BABAM2: variants seen among roughly 807,000 people sequenced by gnomAD.
The protein encoded by BABAM2 is BRISC and BRCA1-A complex member 2.
In BABAM2, 31 loss-of-function variants were observed where a neutral mutation model predicts 54.7. The ratio of observed to expected loss-of-function variants is 0.57; its 90% confidence interval spans 0.43 to 0.77. The LOEUF (loss-of-function observed/expected upper bound fraction) is 0.77. Among genes scored for constraint, BABAM2 ranks in the 30% least tolerant of loss-of-function variants. BABAM2 has a pLI of 0.00. For missense variants in BABAM2, 364 were observed against 455.8 expected, an observed-to-expected ratio of 0.80 and a Z score of 1.83; for synonymous variants, 167 against 162.9, an observed-to-expected ratio of 1.03 and a Z score of -0.19.
At chr2:28,236,645 C>T (rs758430637) in intron 7 of BABAM2, among the ~76,000 whole-genome samples, 9 of 152,056 alleles carry the variant, frequency 5.9e-5, no homozygotes, top group Admixed American at 5.9e-4. Context: ...GGATTACAGG[C>T]GTGAGCCACC....
intron 3 of BABAM2, among the ~76,000 whole-genome samples, chr2:27,961,166 T>C (rs1002701215): frequency 2.6e-5 from 4 of 152,174 alleles, no homozygotes; most frequent in African/African-American, 9.7e-5. Flanking sequence ...TTAATCAGGC[T>C]TATGTGAGAC....
chr2:28,110,164 C>T (rs1486903571), intron 6 of BABAM2, among the ~76,000 whole-genome samples: 3 of 152,048 alleles, frequency 2.0e-5, no homozygotes. Flanking sequence ...AGTATAATGT[C>T]CTCGAGGTTC....
intron 7 of BABAM2, among the ~76,000 whole-genome samples, chr2:28,187,551 A>G (rs1286599037): frequency 6.6e-6 from 1 of 152,078 alleles, no homozygotes; most frequent in Non-Finnish European, 1.5e-5. Context: ...TTATATATCT[A>G]TCTGAAATCT....
chr2:27,909,551 A>G (rs2148299941), intron 2 of BABAM2, among the ~76,000 whole-genome samples: 1 of 152,282 alleles, frequency 6.6e-6, no homozygotes, highest in South Asian at 2.1e-4. Flanking sequence ...TTAATGCGCA[A>G]AAGTTTCACT....
chr2:28,020,942 C>G (rs1326853711), intron 4 of BABAM2, among the ~76,000 whole-genome samples: 1 of 124,364 alleles, frequency 8.0e-6, no homozygotes, highest in Non-Finnish European at 1.7e-5. Context: ...CTAAGACTCT[C>G]TGTCTCTCTG....
intron 10 of BABAM2, among the ~76,000 whole-genome samples, chr2:28,292,610 G>A (rs991348590): frequency 6.6e-6 from 1 of 152,184 alleles, no homozygotes; most frequent in African/African-American, 2.4e-5. Context: ...ATGACAGGCT[G>A]ACTTTCCCTC....
chr2:28,056,607 A>G (rs1290315508), intron 6 of BABAM2, among the ~76,000 whole-genome samples: 4 of 152,154 alleles, frequency 2.6e-5, no homozygotes, highest in Admixed American at 6.5e-5. Flanking sequence ...AGTACAGTCT[A>G]TTCTTCTACA....
intron 2 of BABAM2, among the ~76,000 whole-genome samples, chr2:27,909,546 G>A (rs1666427985): frequency 6.6e-6 from 1 of 152,034 alleles, no homozygotes; most frequent in South Asian, 2.1e-4. Context: ...GTCTTTTAAT[G>A]CGCAAAAGTT....
intron 5 of BABAM2, among the ~76,000 whole-genome samples, chr2:28,034,833 G>A (rs890941753): frequency 2.6e-5 from 4 of 152,178 alleles, no homozygotes; most frequent in African/African-American, 9.6e-5. Flanking sequence ...CAATCTGCTT[G>A]TGAGGAATCT....
At chr2:28,155,885 T>C (rs1013866739) in intron 7 of BABAM2, among the ~76,000 whole-genome samples, 3 of 152,126 alleles carry the variant, frequency 2.0e-5, no homozygotes, top group Non-Finnish European at 4.4e-5. Context: ...TGGAAATTAG[T>C]AGGAAGTGTG....
intron 8 of BABAM2, 82 bp from the exon 9 acceptor site, chr2:28,241,241 T>C (rs1412857850): frequency 3.7e-6 from 5 of 1,353,674 alleles, no homozygotes; most frequent in Non-Finnish European, 5.2e-6. Context: ...TTCTTTCTGC[T>C]TCTCTGAATC....
At chr2:28,011,648 G>A (rs1292376733) in intron 4 of BABAM2, among the ~76,000 whole-genome samples, 1 of 152,172 alleles carries the variant, frequency 6.6e-6, no homozygotes, top group African/African-American at 2.4e-5. Context: ...AAGTCATCTA[G>A]GGCAGAGATC....
intron 2 of BABAM2, among the ~76,000 whole-genome samples, chr2:27,923,234 G>C (rs1297029479): frequency 6.6e-6 from 1 of 152,204 alleles, no homozygotes; most frequent in Admixed American, 6.5e-5. Flanking sequence ...CTTCTGAGAA[G>C]GAGTGAAGTA....
intron 10 of BABAM2, among the ~76,000 whole-genome samples, chr2:28,293,331 TAC>T (rs961248024): frequency 6.6e-6 from 1 of 152,210 alleles, no homozygotes; most frequent in Non-Finnish European, 1.5e-5. Flanking sequence ...TGAATTGAGA[TAC>T]CACCTTACTA....
rs1405120583 is a variant in BABAM2 at position 27,910,971 on chromosome 2, G to A, written c.128+16287G>A. Among the ~76,000 whole-genome samples the A allele has an allele frequency of 2.0e-5, 3 of 152,126 alleles. No individual in the cohort carries two copies. The East Asian group carries it at 5.8e-4, about 29-fold the overall frequency. On this transcript the variant is annotated intron_variant, in intron 2 of 11. Coordinates refer to ENST00000379624, the MANE Select transcript of BABAM2 (RefSeq NM_199191.3). Reference sequence around the variant, plus strand: ...TTGAATCCTGGGGGTGGTTACCCCCGTGCTGCTGTTCTTGTGATAGTGAGT... The same window carrying A: ...TTGAATCCTGGGGGTGGTTACCCCCATGCTGCTGTTCTTGTGATAGTGAGT...
intron 2 of BABAM2, among the ~76,000 whole-genome samples, chr2:27,902,532 G>A (rs868724152): frequency 8.5e-5 from 13 of 152,178 alleles, no homozygotes; most frequent in African/African-American, 3.1e-4. Flanking sequence ...CTATTCTGTA[G>A]CCTCACCAGT....
rs1041564314 is a variant in BABAM2 at position 28,016,252 on chromosome 2, C to T, written c.301-8974C>T. 6 of 911,270 alleles carry T rather than the reference C, an allele frequency of 6.6e-6. No homozygotes were observed. The Admixed American group carries it at 1.2e-4, about 19-fold the overall frequency. 56.4% of individuals were successfully genotyped at this position (911,270 alleles called of 1,614,324 possible). A position where few individuals can be genotyped will look rare whatever the true frequency, so the allele number is the denominator to read the frequency against. On this transcript the variant is annotated intron_variant, in intron 4 of 11. Transcript: ENST00000379624. ...TCTCACTTGCACTTAACAATTTCCC[C>T]CTGTGTTTTTCTAGTTCTTTCTTCC...
At chr2:28,148,775 C>A (rs181928440) in intron 7 of BABAM2, among the ~76,000 whole-genome samples, 1 of 152,332 alleles carries the variant, frequency 6.6e-6, no homozygotes, top group Non-Finnish European at 1.5e-5. Flanking sequence ...CAGCACTAAG[C>A]AACTTTTCCT....
chr2:28,315,704 G>A (rs1434825067), intron 11 of BABAM2, among the ~76,000 whole-genome samples: 1 of 150,470 alleles, frequency 6.6e-6, no homozygotes, highest in Non-Finnish European at 1.5e-5. Context: ...TGTTGCCCAG[G>A]CTGGTCTTTA....
Sources: allele counts gnomAD v4.1 joint callset (sites outside exome capture counted in the v4.1 genomes callset), GRCh38; gene constraint gnomAD v4.1.1; transcripts MANE v1.5; gene names NCBI Gene and HGNC (gene_info 2026-07-23, HGNC 2026-07-21).